Variants in SH3GL3 observed in about 807,000 individuals in gnomAD.
SH3GL3 encodes SH3 domain containing GRB2 like 3, endophilin A3.
SH3GL3 carries 33 observed loss-of-function variants against 47.7 expected under a neutral mutation model. The ratio of observed to expected loss-of-function variants is 0.69; its 90% CI spans 0.52 to 0.92. The LOEUF is 0.92. Ranked by LOEUF, SH3GL3 falls within the 40% of genes least tolerant of loss-of-function variation. SH3GL3 has a pLI of 0.00. For synonymous variants in SH3GL3, 155 were observed against 148.8 expected, an observed-to-expected ratio of 1.04 and a Z score of -0.30; for missense variants, 363 against 417.8, an observed-to-expected ratio of 0.87 and a Z score of 1.14.
At chr15:83,587,219 C>T (rs2059978848) in intron 7 of SH3GL3, 133 bp downstream of exon 7, 1 of 574,046 alleles carries the variant, frequency 1.7e-6, no homozygotes, top group Admixed American at 3.2e-5. Flanking sequence ...CTTTCACTGG[C>T]TTTCATGGTT....
At chr15:83,481,587 G>A (rs1241028869) in intron 1 of SH3GL3, among the ~76,000 whole-genome samples, 1 of 152,096 alleles carries the variant, frequency 6.6e-6, no homozygotes, top group East Asian at 1.9e-4. Flanking sequence ...ATTTCAGGTT[G>A]GCAAAAGGAA....
chr15:83,547,983 C>T (rs2044486811), intron 1 of SH3GL3, among the ~76,000 whole-genome samples: 1 of 151,686 alleles, frequency 6.6e-6, no homozygotes, highest in Admixed American at 6.6e-5. Context: ...TTCCATTTTA[C>T]TACTCTAGTA....
intron 1 of SH3GL3, among the ~76,000 whole-genome samples, chr15:83,460,296 C>A (rs2040229170): frequency 6.6e-6 from 1 of 151,554 alleles, no homozygotes; most frequent in African/African-American, 2.4e-5. Context: ...TAAATTGTTC[C>A]ATGTAACCAG....
At chr15:83,513,179 C>T (rs763611548) in intron 1 of SH3GL3, among the ~76,000 whole-genome samples, 51 of 152,156 alleles carry the variant, frequency 3.4e-4, no homozygotes, top group Non-Finnish European at 6.0e-4. Context: ...AGCTGAGAGG[C>T]GTGGGATTGG....
intron 1 of SH3GL3, among the ~76,000 whole-genome samples, chr15:83,505,752 A>T (rs2042475660): frequency 6.6e-6 from 1 of 151,892 alleles, no homozygotes; most frequent in Non-Finnish European, 1.5e-5. Context: ...CTGGTCACGA[A>T]CTCCTGACCT....
chr15:83,509,517 A>G (rs2042657295), intron 1 of SH3GL3, among the ~76,000 whole-genome samples: 1 of 152,142 alleles, frequency 6.6e-6, no homozygotes, highest in Non-Finnish European at 1.5e-5. Context: ...GAAAGGAAGA[A>G]CTTCGTTTTC....
chr15:83,627,717 C>T, the SH3GL3 span, among the ~76,000 whole-genome samples: 26 of 152,220 alleles, frequency 1.7e-4, no homozygotes, highest in Non-Finnish European at 2.2e-4. Flanking sequence ...TAAGGTACAT[C>T]CATGATTGAG....
intron 3 of SH3GL3, chr15:83,566,029 AG>A (rs2151755907): frequency 6.6e-6 from 1 of 152,344 alleles, no homozygotes; most frequent in South Asian, 2.1e-4. Flanking sequence ...TGGCCACATC[AG>A]TGATTGAAAT....
At chr15:83,464,332 T>C (rs1204434397) in intron 1 of SH3GL3, among the ~76,000 whole-genome samples, 1 of 152,204 alleles carries the variant, frequency 6.6e-6, no homozygotes, top group East Asian at 1.9e-4. Flanking sequence ...CTGTAAATCC[T>C]GGAATACCCC....
intron 1 of SH3GL3, among the ~76,000 whole-genome samples, chr15:83,533,293 G>T (rs1352424996): frequency 6.6e-6 from 1 of 152,128 alleles, no homozygotes; most frequent in African/African-American, 2.4e-5. Context: ...GATGTGAGTG[G>T]GAGAGATTGA....
At chr15:83,476,627 A>G (rs982020420) in intron 1 of SH3GL3, among the ~76,000 whole-genome samples, 1 of 152,260 alleles carries the variant, frequency 6.6e-6, no homozygotes, top group Non-Finnish European at 1.5e-5. Flanking sequence ...AAAACATGTG[A>G]TAATTACATG....
chr15:83,616,941 A>C (rs1046047253), intron 8 of SH3GL3, among the ~76,000 whole-genome samples: 1 of 152,226 alleles, frequency 6.6e-6, no homozygotes, highest in Non-Finnish European at 1.5e-5. Flanking sequence ...ACAGCTAGTC[A>C]GTAACTAAAA....
chr15:83,543,566 G>A (rs1055011508), intron 1 of SH3GL3, among the ~76,000 whole-genome samples: 1 of 151,972 alleles, frequency 6.6e-6, no homozygotes, highest in African/African-American at 2.4e-5. Context: ...TATAATTTGA[G>A]TAGGATTTGT....
rs919635785 is a variant in SH3GL3, at chr15:83,458,322, C to G, written c.45+10744C>G. 3.9e-5 allele frequency among the ~76,000 whole-genome samples: 6 copies of G among 152,144 alleles called. 1 individual carries two copies. Among genetic ancestry groups the G allele is most frequent in the South Asian group, 2.1e-4 (1 of 4,824 alleles). The stretch of plus-strand genomic sequence containing the variant: ...TGCTTTCCCAATGGGAATTCCTTCC[C>G]AATTTCCAGGGTCATCCCAATGTTT... On this transcript the variant is annotated intron_variant, in intron 1 of 8. Coordinates refer to ENST00000427482, the MANE Select transcript of SH3GL3 (RefSeq NM_003027.5).
chr15:83,587,634 T>C (rs1280628985), intron 7 of SH3GL3, among the ~76,000 whole-genome samples: 1 of 152,016 alleles, frequency 6.6e-6, no homozygotes, highest in Non-Finnish European at 1.5e-5. Flanking sequence ...TTGACAAATT[T>C]CAGGCTGTGT....
At chr15:83,565,716 A>G (rs1234481070) in intron 3 of SH3GL3, 1 of 152,254 alleles carries the variant, frequency 6.6e-6, no homozygotes, top group Non-Finnish European at 1.5e-5. Context: ...TAGGTCCCCA[A>G]GCAGCATCTA....
rs369812294 is a variant in SH3GL3 at position 83,490,825 on chromosome 15, G to A, written c.45+43247G>A. 7.4e-6 allele frequency: 12 copies of A among 1,614,146 alleles called. No homozygotes were observed. The African/African-American group carries it at 1.6e-4, about 22-fold the overall frequency. ...CATTGAGGACTCTCTTAAATCAGAAGATGAATGAATGGATGGAATCTTTGC... is the reference window on the plus strand; with the variant it reads ...CATTGAGGACTCTCTTAAATCAGAAAATGAATGAATGGATGGAATCTTTGC... On this transcript the variant is annotated intron_variant, in intron 1 of 8. Transcript: ENST00000427482.
At chr15:83,582,940 T>C (rs2059867968) in intron 6 of SH3GL3, among the ~76,000 whole-genome samples, 1 of 152,244 alleles carries the variant, frequency 6.6e-6, no homozygotes, top group Admixed American at 6.5e-5. Flanking sequence ...TAAAGGCTTT[T>C]GCCCCATTGG....
At chr15:83,497,290 CACTT>C (rs2042119595) in intron 1 of SH3GL3, among the ~76,000 whole-genome samples, 1 of 152,118 alleles carries the variant, frequency 6.6e-6, no homozygotes, top group African/African-American at 2.4e-5. Context: ...CCTTTACTGA[CACTT>C]ACCTTGAGGT....
Sources: allele counts gnomAD v4.1 joint callset (sites outside exome capture counted in the v4.1 genomes callset), GRCh38; gene constraint gnomAD v4.1.1; transcripts MANE v1.5; gene names NCBI Gene and HGNC (gene_info 2026-07-23, HGNC 2026-07-21).